The following LUC7L2 variants were observed in gnomAD, a reference collection of about 807,000 sequenced individuals.
LUC7L2 encodes the protein putative RNA-binding protein Luc7-like 2.
LUC7L2 carries 25 observed loss-of-function variants against 52.8 expected under a neutral mutation model. That is an observed-to-expected ratio of 0.47 (90% CI 0.34 to 0.66). The LOEUF (loss-of-function observed/expected upper bound fraction) is 0.66, where lower values mean the gene tolerates loss of function less well. LUC7L2 is among the 30% of genes least tolerant of loss of function. The probability of loss-of-function intolerance (pLI) is 0.01; values close to 1 mark genes in which losing one functional copy is unlikely to be tolerated. For synonymous variants in LUC7L2, 144 were observed against 160.9 expected (o/e 0.89, Z 0.80); for missense variants, 328 against 497.8 (o/e 0.66, Z 3.25).
chr7:139,416,892 CAA>C (rs1795647605), intron 8 of LUC7L2: 1 of 152,264 alleles, frequency 6.6e-6, no homozygotes, highest in East Asian at 1.9e-4. Context: ...CAAAAATGTT[CAA>C]GATATTTAAG....
chr7:139,362,430 G>A (rs1367393088), intron 1 of LUC7L2, among the ~76,000 whole-genome samples: 1 of 151,938 alleles, frequency 6.6e-6, no homozygotes, highest in East Asian at 1.9e-4. Flanking sequence ...CAGGGATAGG[G>A]GAACATGGAA....
chr7:139,375,686 A>T (rs1356558501), intron 1 of LUC7L2: 2 of 913,646 alleles, frequency 2.2e-6, no homozygotes, highest in Non-Finnish European at 2.6e-6. Flanking sequence ...ACCAGTATAA[A>T]CTCTCTTAGT....
intron 1 of LUC7L2, among the ~76,000 whole-genome samples, chr7:139,373,850 A>G (rs1800578349): frequency 6.6e-6 from 1 of 152,250 alleles, no homozygotes; most frequent in Admixed American, 6.5e-5. Context: ...TGCTGTTGCC[A>G]TTACCAAAAC....
chr7:139,387,136 G>A (rs990204840), intron 2 of LUC7L2, among the ~76,000 whole-genome samples: 2 of 152,034 alleles, frequency 1.3e-5, no homozygotes, highest in Admixed American at 6.6e-5. Flanking sequence ...CACCGTGCCC[G>A]GCCAGAGCAT....
At chr7:139,381,977 C>T (rs903617990) in intron 2 of LUC7L2, among the ~76,000 whole-genome samples, 4 of 149,198 alleles carry the variant, frequency 2.7e-5, no homozygotes, top group African/African-American at 9.9e-5. Flanking sequence ...CTCAGCCTCC[C>T]AGGTTCAAGC....
chr7:139,408,872 G>C (rs939841991), intron 6 of LUC7L2, among the ~76,000 whole-genome samples: 1 of 151,742 alleles, frequency 6.6e-6, no homozygotes, highest in African/African-American at 2.4e-5. Context: ...ATGGAGCTGG[G>C]TATGGTGGCT....
At chr7:139,382,059 A>G (rs893818701) in intron 2 of LUC7L2, among the ~76,000 whole-genome samples, 1 of 151,038 alleles carries the variant, frequency 6.6e-6, no homozygotes, top group Non-Finnish European at 1.5e-5. Context: ...AATTTTTTGT[A>G]TTTTTGTATT....
rs1005248242 is a variant in LUC7L2 at position 139,423,425 on chromosome 7, A to C, written c.*1085A>C. The C allele has an allele frequency of 3.8e-5, 15 of 398,882 alleles. No homozygotes were observed. The highest frequency in any genetic ancestry group is 1.3e-4 in the Admixed American group (3 of 22,708). The allele number at this position is 398,882 out of a possible 1,614,324, so 24.7% of individuals were successfully genotyped here. A position where few individuals can be genotyped will look rare whatever the true frequency, so the allele number is the denominator to read the frequency against. ...GGGGTGTTTTTATTCTCATTCAACA[A>C]ACCCAAATAAAAACAGTATATGTAA... is the stretch of plus-strand genomic sequence containing the variant. On this transcript the variant is annotated 3_prime_UTR_variant, in exon 10 of 10. Transcript: ENST00000354926.
intron 6 of LUC7L2, among the ~76,000 whole-genome samples, chr7:139,409,076 G>T (rs1795240023): frequency 6.6e-6 from 1 of 152,022 alleles, no homozygotes; most frequent in African/African-American, 2.4e-5. Flanking sequence ...GGTGGAGGTT[G>T]CAGTGAGCCG....
At chr7:139,386,739 A>T (rs1201223520) in intron 2 of LUC7L2, among the ~76,000 whole-genome samples, 1 of 151,684 alleles carries the variant, frequency 6.6e-6, no homozygotes, top group Non-Finnish European at 1.5e-5. Flanking sequence ...GATGAGTTCA[A>T]CCTTTAGGCA....
At chr7:139,349,148 T>C (rs1481664638) in intron 1 of LUC7L2, among the ~76,000 whole-genome samples, 1 of 152,200 alleles carries the variant, frequency 6.6e-6, no homozygotes, top group Non-Finnish European at 1.5e-5. Flanking sequence ...AGCAAGACTG[T>C]GTCTCGGAAA....
In LUC7L2 at chr7:139,391,425, A is replaced by G. The variant is rs138954386; in HGVS notation, c.157-7174A>G. Among the ~76,000 whole-genome samples the G allele has an allele frequency of 2.0e-3, 312 of 152,358 alleles. 3 individuals carry two copies. Among genetic ancestry groups the G allele is most frequent in the Admixed American group, 3.5e-3 (54 of 15,298 alleles). On this transcript the variant is annotated intron_variant, in intron 2 of 9. Coordinates refer to ENST00000354926, the MANE Select transcript of LUC7L2 (RefSeq NM_016019.5). Reference sequence around the variant, plus strand: ...ATTACTATGCCAAATTCTATCGTTTATATATTCATTAACATATTACTACTA... The same window carrying G: ...ATTACTATGCCAAATTCTATCGTTTGTATATTCATTAACATATTACTACTA...
chr7:139,348,704 C>T (rs374320500), intron 1 of LUC7L2, among the ~76,000 whole-genome samples: 31 of 151,114 alleles, frequency 2.1e-4, no homozygotes, highest in Admixed American at 4.0e-4. Flanking sequence ...GGTGACAGAG[C>T]GAGACTCCGT....
intron 1 of LUC7L2, among the ~76,000 whole-genome samples, chr7:139,343,649 A>T (rs1032718367): frequency 2.6e-5 from 4 of 152,170 alleles, no homozygotes; most frequent in African/African-American, 9.7e-5. Flanking sequence ...GAGAAAGGGG[A>T]TTAGGCCAGG....
At chr7:139,389,020 T>C (rs1794317374) in intron 2 of LUC7L2, among the ~76,000 whole-genome samples, 1 of 151,878 alleles carries the variant, frequency 6.6e-6, no homozygotes, top group Admixed American at 6.6e-5. Flanking sequence ...TGGGATTCAT[T>C]ATTCCAGAGA....
intron 1 of LUC7L2, chr7:139,341,214 C>T: frequency 8.3e-7 from 1 of 1,211,334 alleles, no homozygotes; most frequent in Non-Finnish European, 1.1e-6. Flanking sequence ...CGCCCCTGGG[C>T]CTTCGATTAA....
chr7:139,376,082 A>G lies in LUC7L2; in HGVS notation c.82A>G (p.Ile28Val). Residue 28 changes from isoleucine to valine, a missense_variant, in exon 2 of 10, where the codon ATC becomes GTC. Around this residue, in one of 2 missense-constraint regions of LUC7L2, gnomAD observed 133 missense variants for 274.4 expected, o/e 0.48. Transcript: ENST00000354926. The stretch of plus-strand genomic sequence containing the variant: ...TACAGGAGATACAACTCGTCAACGA[A>G]TCAAATTCAGTGATGACAGAGTATG... ...SRDGDTTRQR[I>V]KFSDDRVCKS... 1.9e-6 allele frequency: 3 copies of G among 1,613,872 alleles called. No individual in the cohort carries two copies. Among genetic ancestry groups the G allele is most frequent in the South Asian group, 1.1e-5 (1 of 91,076 alleles).
At chr7:139,421,182 C>A (rs1795889134) in intron 9 of LUC7L2, among the ~76,000 whole-genome samples, 1 of 152,072 alleles carries the variant, frequency 6.6e-6, no homozygotes, top group Non-Finnish European at 1.5e-5. Context: ...TTTTGTTTAA[C>A]CCTCCTTAAC....
At chr7:139,412,327 A>G (rs947469629) in intron 7 of LUC7L2, among the ~76,000 whole-genome samples, 6 of 152,144 alleles carry the variant, frequency 3.9e-5, no homozygotes, top group Admixed American at 6.5e-5. Context: ...TCTCCTAGGA[A>G]CATATTCTTT....
Sources: allele counts gnomAD v4.1 joint callset (sites outside exome capture counted in the v4.1 genomes callset), GRCh38; gene constraint gnomAD v4.1.1; regional missense constraint gnomAD v4.1.1; transcripts MANE v1.5; gene names NCBI Gene and HGNC (gene_info 2026-07-23, HGNC 2026-07-21).